The following APOO variants were observed in gnomAD, a reference collection of about 807,000 sequenced individuals.
APOO encodes apolipoprotein O, also known as MICOS complex subunit MIC26.
In APOO, 11 loss-of-function variants were observed where a neutral mutation model predicts 23.1. The ratio of observed to expected loss-of-function variants is 0.48; its 90% CI spans 0.30 to 0.79. The LOEUF (loss-of-function observed/expected upper bound fraction) is 0.79. Among genes scored for constraint, APOO ranks in the 30% least tolerant of loss-of-function variants. The pLI, the probability that APOO is intolerant of heterozygous loss-of-function variation, is 0.07. For missense variants in APOO, 160 were observed against 142.7 expected (o/e 1.12, Z -0.62); for synonymous variants, 59 against 54.8 (o/e 1.08, Z -0.34).
rs376092477 is a variant in APOO, at chrX:23,860,412, C to T, written c.389-1679G>A. Among the ~76,000 whole-genome samples, 268 of 110,887 alleles carry T rather than the reference C, an allele frequency of 2.4e-3. 1 individual carries two copies. The highest frequency in any genetic ancestry group is 8.3e-3 in the African/African-American group (255 of 30,574). ...AAACCAGGGTTACTGGGTGTGGTGG[C>T]TCACACCTGTAATCCTAGCACTTGG... On this transcript the variant is annotated intron_variant, in intron 5 of 8. Coordinates refer to ENST00000379226, the MANE Select transcript of APOO (RefSeq NM_024122.5).
chrX:23,854,695 A>ATT (rs11427219), intron 7 of APOO, among the ~76,000 whole-genome samples: 45 of 106,867 alleles, frequency 4.2e-4, no homozygotes, highest in African/African-American at 1.6e-3. Flanking sequence ...TAATTTTTGT[A>ATT]TTTTTTTAGT....
chrX:23,879,353 T>A (rs762563634), intron 2 of APOO, among the ~76,000 whole-genome samples: 1 of 111,915 alleles, frequency 8.9e-6, no homozygotes, highest in East Asian at 2.8e-4. Flanking sequence ...GGAGAATCTC[T>A]TGAACCTGGG....
chrX:23,855,556 A>G (rs939849751), intron 7 of APOO, among the ~76,000 whole-genome samples: 1 of 111,255 alleles, frequency 9.0e-6, no homozygotes, highest in African/African-American at 3.3e-5. Flanking sequence ...AAGGTATATT[A>G]ATATAAGAAG....
intron 5 of APOO, 97 bp downstream of exon 5, chrX:23,868,496 C>A: frequency 1.5e-6 from 1 of 669,478 alleles, no homozygotes; most frequent in Admixed American, 3.2e-5. Context: ...GGAACCAACT[C>A]ATTATTCTGA....
chrX:23,833,707 C>CCA (rs1923516709), intron 8 of APOO, 95 bp from the exon 9 acceptor site: 1 of 112,486 alleles, frequency 8.9e-6, no homozygotes, highest in Non-Finnish European at 1.9e-5. Flanking sequence ...CCAGGCCAGG[C>CCA]GCGGTGGCCC....
intron 1 of APOO, among the ~76,000 whole-genome samples, chrX:23,883,035 T>C (rs1926214913): frequency 9.0e-6 from 1 of 110,953 alleles, no homozygotes; most frequent in Non-Finnish European, 1.9e-5. Context: ...GCCAAGATAC[T>C]GCCACTGCAC....
intron 7 of APOO, among the ~76,000 whole-genome samples, chrX:23,851,023 G>A (rs1020997208): frequency 8.2e-5 from 9 of 110,245 alleles, no homozygotes; most frequent in African/African-American, 2.6e-4. Flanking sequence ...TTTTTATAAA[G>A]GCAAAAACAG....
intron 2 of APOO, 26 bp downstream of exon 2, chrX:23,880,819 A>G: frequency 9.6e-7 from 1 of 1,038,941 alleles, no homozygotes; most frequent in East Asian, 3.3e-5. Flanking sequence ...CACTCAAAAT[A>G]TATCGCAACA....
Position 23,880,909 on chromosome X carries a change from G to A in APOO, c.53C>T (p.Thr18Ile). The A allele has an allele frequency of 8.4e-7, 1 of 1,189,909 alleles. No individual in the cohort carries two copies. The change falls in exon 2 of 9, where the codon ACC (threonine) becomes ATC (isoleucine). Residue 18 changes from threonine (T) to isoleucine (I), a missense_variant. By Grantham distance (89) the Thr-to-Ile change is moderately conservative. Coordinates refer to ENST00000379226, the MANE Select transcript of APOO (RefSeq NM_024122.5). ...TTTTGGTGCTGCATAGACTTTGAAG[G>A]TGAGCAAGCTCAGGCTGGCTGGCCC... ...SVGPASLSLL[T>I]FKVYAAPKKD...
chrX:23,872,249 G>A (rs1925651308), intron 4 of APOO, among the ~76,000 whole-genome samples: 1 of 110,758 alleles, frequency 9.0e-6, no homozygotes, highest in Admixed American at 9.8e-5. Flanking sequence ...TACAAAAAGT[G>A]GAAAAAATGT....
At chrX:23,905,446 C>T (rs191413226) in intron 1 of APOO, among the ~76,000 whole-genome samples, 1 of 110,569 alleles carries the variant, frequency 9.0e-6, no homozygotes, top group Admixed American at 9.7e-5. Context: ...CTCACTATGT[C>T]TTTCCCTTGA....
At chrX:23,865,471 G>A (rs962939200) in intron 5 of APOO, among the ~76,000 whole-genome samples, 2 of 110,009 alleles carry the variant, frequency 1.8e-5, no homozygotes, top group Non-Finnish European at 3.8e-5. Context: ...GGGCATGGTG[G>A]TGCACGCCTG....
chrX:23,863,731 C>T (rs1323496592), intron 5 of APOO, among the ~76,000 whole-genome samples: 1 of 110,517 alleles, frequency 9.0e-6, no homozygotes, highest in African/African-American at 3.3e-5. Flanking sequence ...GGCTTAAACC[C>T]AAGAAAGTGT....
Position 23,879,000 on chromosome X carries a change from T to A in APOO, c.152A>T (p.Lys51Met). The change falls in exon 3 of 9, where the codon AAG becomes ATG. Residue 51 changes from lysine (K) to methionine (M), a missense_variant. Transcript: ENST00000379226. ...SLYSVPEGQSKYVEEARSQLE... is the reference protein window; with the variant it reads ...SLYSVPEGQSMYVEEARSQLE... ...CTGGCTCCTTGCCTCCTCCACATAC[T>A]TCGATTGACCCTCAGGAACTGAGTA... is the stretch of plus-strand genomic sequence containing the variant. The A allele has an allele frequency of 1.7e-6, 2 of 1,211,582 alleles. No homozygotes were observed.
chrX:23,888,914 A>G (rs1601934048), intron 1 of APOO, among the ~76,000 whole-genome samples: 1 of 97,190 alleles, frequency 1.0e-5, no homozygotes. Flanking sequence ...CTGAAGTGGG[A>G]GGATCACTTG....
At chrX:23,907,594 G>T in intron 1 of APOO, 100 bp downstream of exon 1, 1 of 916,796 alleles carries the variant, frequency 1.1e-6, no homozygotes, top group Non-Finnish European at 1.5e-6. Context: ...GCCTCGGGGT[G>T]AGCCAGGCCT....
intron 1 of APOO, among the ~76,000 whole-genome samples, chrX:23,887,229 CTTTTTTTTTTTT>C (rs765596270): frequency 1.8e-5 from 1 of 54,212 alleles, no homozygotes; most frequent in Non-Finnish European, 3.2e-5. Context: ...TTCTTTTTCC[CTTTTTTTTTTTT>C]TTTTTTTTTT....
intron 7 of APOO, among the ~76,000 whole-genome samples, chrX:23,851,995 C>T (rs1405759848): frequency 8.9e-6 from 1 of 111,972 alleles, no homozygotes; most frequent in East Asian, 2.8e-4. Flanking sequence ...ACGATCTCAG[C>T]TCACTGTAAC....
At chrX:23,906,638 C>T (rs1174623111) in intron 1 of APOO, among the ~76,000 whole-genome samples, 2 of 112,806 alleles carry the variant, frequency 1.8e-5, no homozygotes, top group Non-Finnish European at 3.7e-5. Context: ...TAGGATCTGT[C>T]TTCCTGACTA....
Sources: gnomAD v4.1 joint callset for allele counts (sites outside exome capture counted in the v4.1 genomes callset) on GRCh38, gnomAD v4.1.1 for gene constraint, MANE v1.5 for transcripts, NCBI Gene and HGNC (gene_info 2026-07-23, HGNC 2026-07-21) for gene names.